PLPP4: variants seen among roughly 807,000 people sequenced by gnomAD.
PLPP4 encodes phospholipid phosphatase 4, also known as diacylglycerol pyrophosphate like 2.
In PLPP4, 20 loss-of-function variants were observed where a neutral mutation model predicts 32.2. The observed-to-expected ratio is 0.62, with a 90% CI of 0.44 to 0.90. The LOEUF (loss-of-function observed/expected upper bound fraction) is 0.90. Ranked by LOEUF, PLPP4 falls within the 40% of genes least tolerant of loss-of-function variation. The pLI is 0.00. For missense variants in PLPP4, 257 were observed against 353.1 expected (o/e 0.73, Z 2.18); for synonymous variants, 127 against 133.0 (o/e 0.95, Z 0.31).
rs1218690928 is a variant in PLPP4, at chr10:120,557,923, C to T, written c.446-17208C>T. On this transcript the variant is annotated intron_variant, in intron 5 of 6. Coordinates refer to ENST00000398250, the MANE Select transcript of PLPP4 (RefSeq NM_001030059.3). ...GCACTATATAATTTTCTTGCCATAC[C>T]ACAGTTGTTTAACAGGGATAATTGG... Among the ~76,000 whole-genome samples, 3 of 152,056 alleles carry T rather than the reference C, an allele frequency of 2.0e-5. No homozygotes were observed. In the East Asian group the frequency reaches 5.8e-4, roughly 29 times the overall value.
At chr10:120,464,542 C>T (rs187029954) in intron 1 of PLPP4, among the ~76,000 whole-genome samples, 295 of 152,240 alleles carry the variant, frequency 1.9e-3, no homozygotes, top group African/African-American at 6.7e-3. Flanking sequence ...TGAGTTTGTC[C>T]GATGAGTCGG....
chr10:120,469,162 G>A (rs1848407643), intron 1 of PLPP4, among the ~76,000 whole-genome samples: 1 of 63,312 alleles, frequency 1.6e-5, no homozygotes, highest in African/African-American at 3.4e-5. Context: ...GAAGAAACGT[G>A]GTGAAATTTT....
intron 5 of PLPP4, among the ~76,000 whole-genome samples, chr10:120,536,882 C>T (rs990721319): frequency 7.2e-5 from 11 of 151,924 alleles, no homozygotes; most frequent in South Asian, 2.1e-4. Context: ...AATTAAAAAG[C>T]GAGCAAAAGA....
intron 5 of PLPP4, among the ~76,000 whole-genome samples, chr10:120,572,782 A>G (rs902557898): frequency 3.9e-5 from 6 of 152,222 alleles, no homozygotes; most frequent in African/African-American, 1.4e-4. Flanking sequence ...GAATAGAAGG[A>G]ACAGAGCAAA....
rs1335383912 is a variant in PLPP4, at chr10:120,590,149, G to A, written c.*647G>A. On this transcript the variant is annotated 3_prime_UTR_variant, in exon 7 of 7. Coordinates refer to ENST00000398250, the MANE Select transcript of PLPP4 (RefSeq NM_001030059.3). Reference sequence around the variant, plus strand: ...TGAGCATGAAGATGCATGAGTGCATGTGTGGGGGATGAGGTCACAGCAGTT... The same window carrying A: ...TGAGCATGAAGATGCATGAGTGCATATGTGGGGGATGAGGTCACAGCAGTT... 2.0e-5 allele frequency among the ~76,000 whole-genome samples: 3 copies of A among 152,238 alleles called. No homozygotes were observed. Among genetic ancestry groups the A allele is most frequent in the Admixed American group, 1.3e-4 (2 of 15,288 alleles).
intron 1 of PLPP4, among the ~76,000 whole-genome samples, chr10:120,460,194 A>G (rs890095330): frequency 2.0e-5 from 3 of 152,186 alleles, no homozygotes; most frequent in African/African-American, 7.2e-5. Flanking sequence ...ATAAAAGTAA[A>G]ATGTGAAGCT....
intron 5 of PLPP4, among the ~76,000 whole-genome samples, chr10:120,574,164 ACACACTCTCTCTCTCTCT>A (rs1442723097): frequency 2.9e-3 from 193 of 67,594 alleles, no homozygotes; most frequent in African/African-American, 7.1e-3. Context: ...ACACACACAC[ACACACTCTCTCTCTCTCT>A]CTCTCTCTCT....
At position 120,591,307 on chromosome 10, in the gene PLPP4, T is replaced by G. The variant is rs369410833; in HGVS notation, c.*1805T>G. 1.4e-4 allele frequency among the ~76,000 whole-genome samples: 22 copies of G among 152,242 alleles called. No homozygotes were observed. The South Asian group carries it at 3.7e-3, about 26-fold the overall frequency. On this transcript the variant is annotated 3_prime_UTR_variant, in exon 7 of 7. Transcript: ENST00000398250. The stretch of plus-strand genomic sequence containing the variant: ...CAGCCCTGGTCCTTCCAAACTGGCT[T>G]TGGCACGGTCATGTGATTGTCCCCT...
intron 2 of PLPP4, among the ~76,000 whole-genome samples, chr10:120,507,766 A>G (rs1845564575): frequency 6.6e-6 from 1 of 152,212 alleles, no homozygotes; most frequent in Non-Finnish European, 1.5e-5. Flanking sequence ...GAAAGGGGGC[A>G]GGGATAGAGC....
chr10:120,544,092 C>T lies in PLPP4; in HGVS notation c.445+22997C>T, dbSNP rs532525357. 4.6e-5 allele frequency among the ~76,000 whole-genome samples: 7 copies of T among 152,296 alleles called. No homozygotes were observed. The South Asian group carries it at 1.4e-3, about 32-fold the overall frequency. On this transcript the variant is annotated intron_variant, in intron 5 of 6. Coordinates refer to ENST00000398250, the MANE Select transcript of PLPP4 (RefSeq NM_001030059.3). Reference sequence around the variant, plus strand: ...TACAGACACAGGGGTACAGATACCTCTTTGAGCCTCTGATTTCCATTCTTT... The same window carrying T: ...TACAGACACAGGGGTACAGATACCTTTTTGAGCCTCTGATTTCCATTCTTT...
At chr10:120,523,000 T>C (rs1395507395) in intron 5 of PLPP4, among the ~76,000 whole-genome samples, 1 of 152,138 alleles carries the variant, frequency 6.6e-6, no homozygotes, top group Non-Finnish European at 1.5e-5. Context: ...CAGGTGTCCT[T>C]ATAAAAGAAA....
At chr10:120,479,022 C>G (rs7077756) in intron 1 of PLPP4, among the ~76,000 whole-genome samples, 11,723 of 152,020 alleles carry the variant, frequency 0.077, 629 homozygotes, top group Non-Finnish European at 0.11. Flanking sequence ...GTCAGGAGAT[C>G]GAGACCATCC....
chr10:120,537,051 G>A (rs567691340), intron 5 of PLPP4, among the ~76,000 whole-genome samples: 13 of 152,262 alleles, frequency 8.5e-5, no homozygotes, highest in Admixed American at 6.5e-4. Flanking sequence ...AAATGTTGGC[G>A]AAGTTGTGGA....
chr10:120,538,540 C>T (rs927201337), intron 5 of PLPP4, among the ~76,000 whole-genome samples: 1 of 152,058 alleles, frequency 6.6e-6, no homozygotes, highest in African/African-American at 2.4e-5. Flanking sequence ...AGAATGATCA[C>T]GTCAGGTCAC....
chr10:120,566,577 C>T (rs923186919), intron 5 of PLPP4, among the ~76,000 whole-genome samples: 3 of 151,290 alleles, frequency 2.0e-5, no homozygotes, highest in Non-Finnish European at 4.4e-5. Flanking sequence ...GAGTCTCACC[C>T]TGTCACCCAG....
At chr10:120,486,931 T>C (rs1258055245) in intron 1 of PLPP4, among the ~76,000 whole-genome samples, 1 of 152,226 alleles carries the variant, frequency 6.6e-6, no homozygotes, top group Non-Finnish European at 1.5e-5. Flanking sequence ...TGGACAGACA[T>C]GAGCCCTTGC....
chr10:120,545,845 G>A (rs1180627766), intron 5 of PLPP4, among the ~76,000 whole-genome samples: 1 of 152,184 alleles, frequency 6.6e-6, no homozygotes, highest in African/African-American at 2.4e-5. Flanking sequence ...TCAGTGGACT[G>A]GGAGAGGCAG....
intron 5 of PLPP4, among the ~76,000 whole-genome samples, chr10:120,562,982 G>A (rs1263462120): frequency 2.6e-5 from 4 of 152,222 alleles, no homozygotes; most frequent in Admixed American, 2.6e-4. Flanking sequence ...ACTCACGCCT[G>A]TAATCCTAGC....
intron 5 of PLPP4, among the ~76,000 whole-genome samples, chr10:120,531,263 G>A (rs368090351): frequency 1.9e-4 from 29 of 151,810 alleles, no homozygotes; most frequent in African/African-American, 6.3e-4. Context: ...GTGCCACCAC[G>A]CCCAGCTAAT....
Sources: gnomAD v4.1 joint callset for allele counts (sites outside exome capture counted in the v4.1 genomes callset) on GRCh38, gnomAD v4.1.1 for gene constraint, MANE v1.5 for transcripts, NCBI Gene and HGNC (gene_info 2026-07-23, HGNC 2026-07-21) for gene names.